ITGA2: variants seen among roughly 807,000 people sequenced by gnomAD.
The protein encoded by ITGA2 is integrin subunit alpha 2, also known as integrin alpha-2.
Under a neutral mutation model 146.3 loss-of-function variants are expected in ITGA2, and 101 were observed. The ratio of observed to expected loss-of-function variants is 0.69; its 90% confidence interval spans 0.59 to 0.81. The LOEUF is 0.81. Ranked by LOEUF, ITGA2 falls within the 40% of genes least tolerant of loss-of-function variation. The pLI is 0.00. For synonymous variants in ITGA2, 477 were observed against 487.1 expected (o/e 0.98, Z 0.27); for missense variants, 1,281 against 1,402.7 (o/e 0.91, Z 1.39).
chr5:53,032,395 T>C (rs1743268524), intron 2 of ITGA2, among the ~76,000 whole-genome samples: 2 of 152,316 alleles, frequency 1.3e-5, no homozygotes, highest in South Asian at 4.1e-4. Flanking sequence ...GAGTACTCTT[T>C]CCTTGCCAAA....
chr5:53,081,599 ACAT>A lies in ITGA2; in HGVS notation c.3050_3052del (p.Ile1017del). 6.2e-7 allele frequency: 1 copy of A among 1,609,770 alleles called. No homozygotes were observed. On this transcript the variant is annotated inframe_deletion, in exon 26 of 30. Coordinates refer to ENST00000296585, the MANE Select transcript of ITGA2 (RefSeq NM_002203.4). ...GGTGTTCTTCTTTTATAGGCTGGTG[ACAT>A]CAGTTGTAATGCAGATATCAATCCA...
chr5:53,083,335 A>C lies in ITGA2; in HGVS notation c.3145-5A>C. On this transcript the variant is annotated splice_polypyrimidine_tract_variant and splice_region_variant and intron_variant, in intron 26 of 29. Transcript: ENST00000296585. ...TCTCTTTTACCTTTGACTCAATACT[A>C]TAAGAACTGCAGAACTGCTTCCTGT... 6.4e-7 allele frequency: 1 copy of C among 1,564,420 alleles called. No individual in the cohort carries two copies. Among genetic ancestry groups the C allele is most frequent in the Non-Finnish European group, 8.8e-7 (1 of 1,134,916 alleles).
chr5:53,049,868 C>G (rs1357410221), intron 6 of ITGA2, among the ~76,000 whole-genome samples: 1 of 150,496 alleles, frequency 6.6e-6, no homozygotes, highest in African/African-American at 2.5e-5. Flanking sequence ...ATATTTTTCC[C>G]TAAATGCTTT....
intron 2 of ITGA2, among the ~76,000 whole-genome samples, chr5:53,038,002 A>G (rs866967926): frequency 6.6e-6 from 1 of 152,150 alleles, no homozygotes; most frequent in Non-Finnish European, 1.5e-5. Context: ...TGATTAAATT[A>G]GAAGAGCTGC....
chr5:53,036,369 G>A (rs1743493243), intron 2 of ITGA2, among the ~76,000 whole-genome samples: 1 of 152,038 alleles, frequency 6.6e-6, no homozygotes. Flanking sequence ...GAAAGCTGAG[G>A]CCTTCTATTA....
intron 17 of ITGA2, 58 bp downstream of exon 17, chr5:53,070,318 T>C: frequency 6.4e-7 from 1 of 1,573,714 alleles, no homozygotes. Flanking sequence ...GAGAGAGTGG[T>C]AAAAGTCAAA....
intron 3 of ITGA2, among the ~76,000 whole-genome samples, chr5:53,042,928 A>G (rs1743874160): frequency 6.6e-6 from 1 of 152,140 alleles, no homozygotes; most frequent in South Asian, 2.1e-4. Flanking sequence ...GTGAAAATCA[A>G]GGGAAAGAAG....
At chr5:53,051,181 T>C (rs894317608) in intron 6 of ITGA2, among the ~76,000 whole-genome samples, 1 of 152,206 alleles carries the variant, frequency 6.6e-6, no homozygotes, top group Non-Finnish European at 1.5e-5. Flanking sequence ...TCATACACTG[T>C]AGCACATCAT....
chr5:53,086,662 A>T (rs2112040859), intron 27 of ITGA2, among the ~76,000 whole-genome samples: 1 of 152,290 alleles, frequency 6.6e-6, no homozygotes, highest in South Asian at 2.1e-4. Flanking sequence ...TCAAGTTCAG[A>T]TCTCCTCAGG....
chr5:53,090,641 C>T lies in ITGA2; in HGVS notation c.*42C>T. The T allele has an allele frequency of 6.7e-7, 1 of 1,496,342 alleles. No homozygotes were observed. Among genetic ancestry groups the T allele is most frequent in the Non-Finnish European group, 9.3e-7 (1 of 1,072,634 alleles). 92.7% of individuals were successfully genotyped at this position (1,496,342 alleles called of 1,614,324 possible). On this transcript the variant is annotated 3_prime_UTR_variant, in exon 30 of 30. Transcript: ENST00000296585. ...GCAGTGGGAACCGGCAGCATCCCAGCCAGGGTTTGCTGTTTGCGTGAATGG... is the reference window on the plus strand; with the variant it reads ...GCAGTGGGAACCGGCAGCATCCCAGTCAGGGTTTGCTGTTTGCGTGAATGG...
intron 4 of ITGA2, among the ~76,000 whole-genome samples, chr5:53,047,770 G>T (rs1302107571): frequency 6.6e-6 from 1 of 152,110 alleles, no homozygotes; most frequent in Non-Finnish European, 1.5e-5. Context: ...AAGCGTTACT[G>T]CCATTAGGTT....
chr5:53,061,016 C>T lies in ITGA2; in HGVS notation c.1428C>T (p.Ile476=). ...ATAGTGTGAATGAGAATGGCAATAT[C>T]ACGGTTATTCAGGCTCACCGAGGTG... is the stretch of plus-strand genomic sequence containing the variant. The part of the protein sequence containing the change: ...VLYSVNENGN[I]TVIQAHRGDQ... Residue 476 remains isoleucine (I), a synonymous_variant, in exon 12 of 30, where the codon ATC becomes ATT. Coordinates refer to ENST00000296585, the MANE Select transcript of ITGA2 (RefSeq NM_002203.4). 1.2e-6 allele frequency: 2 copies of T among 1,612,246 alleles called. No individual in the cohort carries two copies. Among genetic ancestry groups the T allele is most frequent in the African/African-American group, 1.3e-5 (1 of 74,886 alleles).
At chr5:53,019,754 T>C (rs1463382291) in intron 1 of ITGA2, among the ~76,000 whole-genome samples, 2 of 152,052 alleles carry the variant, frequency 1.3e-5, no homozygotes, top group Non-Finnish European at 2.9e-5. Context: ...TTGAACTCCT[T>C]ACCTCAGGTG....
intron 9 of ITGA2, 150 bp from the exon 10 acceptor site, chr5:53,057,875 T>C (rs1254002663): frequency 2.3e-5 from 15 of 654,538 alleles, no homozygotes; most frequent in Non-Finnish European, 3.1e-5. Flanking sequence ...TCCCAGAATA[T>C]GCAAGCTCTG....
intron 13 of ITGA2, among the ~76,000 whole-genome samples, chr5:53,064,502 C>T (rs570335592): frequency 1.3e-5 from 2 of 151,852 alleles, no homozygotes; most frequent in African/African-American, 2.4e-5. Flanking sequence ...GTTTGGTCAT[C>T]GATTGCTCTG....
chr5:52,992,032 A>G (rs551450845), intron 1 of ITGA2, among the ~76,000 whole-genome samples: 16 of 152,084 alleles, frequency 1.1e-4, no homozygotes, highest in Non-Finnish European at 2.1e-4. Context: ...TTTTCTTACT[A>G]TCCCTGAAAC....
chr5:53,058,658 T>G, intron 10 of ITGA2, among the ~76,000 whole-genome samples: 1 of 149,762 alleles, frequency 6.7e-6, no homozygotes, highest in African/African-American at 2.5e-5. Flanking sequence ...AGTCAGGAGG[T>G]GAGAGAGATA....
intron 1 of ITGA2, among the ~76,000 whole-genome samples, chr5:53,022,125 TG>T (rs1742714902): frequency 6.6e-6 from 1 of 152,216 alleles, no homozygotes; most frequent in Non-Finnish European, 1.5e-5. Context: ...TTTTTGTGGT[TG>T]AATATAAAAT....
At chr5:53,016,591 T>C (rs1205583505) in intron 1 of ITGA2, among the ~76,000 whole-genome samples, 1 of 152,182 alleles carries the variant, frequency 6.6e-6, no homozygotes, top group Admixed American at 6.5e-5. Context: ...TCTGGTATCC[T>C]ACAGGGGTTC....
Sources: allele counts gnomAD v4.1 joint callset (sites outside exome capture counted in the v4.1 genomes callset), GRCh38; gene constraint gnomAD v4.1.1; transcripts MANE v1.5; gene names NCBI Gene and HGNC (gene_info 2026-07-23, HGNC 2026-07-21).